Variants in NCKAP5 observed in about 807,000 individuals in gnomAD.
NCKAP5 encodes nck-associated protein 5.
A neutral mutation model predicts 167.0 loss-of-function variants in NCKAP5; 92 were observed. The ratio of observed to expected loss-of-function variants is 0.55; its 90% CI spans 0.47 to 0.66. The LOEUF (loss-of-function observed/expected upper bound fraction) is 0.66, where lower values mean the gene tolerates loss of function less well. Among genes scored for constraint, NCKAP5 ranks in the 30% least tolerant of loss-of-function variants. The probability of loss-of-function intolerance (pLI) is 0.00; values close to 1 mark genes in which losing one functional copy is unlikely to be tolerated. For missense variants in NCKAP5, 2,378 were observed against 2,315.0 expected (o/e 1.03, Z -0.56); for synonymous variants, 891 against 877.4 (o/e 1.02, Z -0.27).
At chr2:133,234,271 A>C (rs2150262890) in intron 4 of NCKAP5, among the ~76,000 whole-genome samples, 1 of 152,274 alleles carries the variant, frequency 6.6e-6, no homozygotes, top group South Asian at 2.1e-4. Flanking sequence ...AGATAAACAA[A>C]AGTACACTGC....
At chr2:132,730,060 A>G (rs948611676) in intron 17 of NCKAP5, among the ~76,000 whole-genome samples, 2 of 152,220 alleles carry the variant, frequency 1.3e-5, no homozygotes, top group African/African-American at 4.8e-5. Flanking sequence ...AGCACTGGAA[A>G]GTAGGCCCTG....
intron 8 of NCKAP5, among the ~76,000 whole-genome samples, chr2:132,955,432 G>A (rs1489127493): frequency 2.0e-5 from 3 of 152,170 alleles, no homozygotes; most frequent in African/African-American, 7.2e-5. Context: ...GCGCAGAAAG[G>A]TTAGATTACA....
At chr2:132,850,946 T>C (rs1395515134) in intron 11 of NCKAP5, among the ~76,000 whole-genome samples, 4 of 152,086 alleles carry the variant, frequency 2.6e-5, no homozygotes, top group African/African-American at 7.2e-5. Flanking sequence ...GTCTGTGACA[T>C]ACAGGGCAAT....
the NCKAP5 span, among the ~76,000 whole-genome samples, chr2:133,627,633 T>A: frequency 7.2e-5 from 11 of 152,094 alleles, no homozygotes; most frequent in Non-Finnish European, 1.3e-4. Context: ...ATTAGCCAAG[T>A]GTGGTGACGT....
chr2:133,216,969 A>G (rs770950221), intron 4 of NCKAP5, among the ~76,000 whole-genome samples: 5 of 152,110 alleles, frequency 3.3e-5, no homozygotes, highest in Non-Finnish European at 5.9e-5. Flanking sequence ...CAACTGGCTC[A>G]TGTTATTTTT....
At chr2:132,857,623 G>C (rs1689573630) in intron 11 of NCKAP5, among the ~76,000 whole-genome samples, 1 of 152,148 alleles carries the variant, frequency 6.6e-6, no homozygotes, top group Non-Finnish European at 1.5e-5. Context: ...TTTGGATTTT[G>C]TTTGCTATCC....
intron 6 of NCKAP5, among the ~76,000 whole-genome samples, chr2:133,072,930 TA>T (rs1220890169): frequency 6.6e-6 from 1 of 151,950 alleles, no homozygotes; most frequent in African/African-American, 2.4e-5. Context: ...AGAAATGGAG[TA>T]AGCACACTCC....
At chr2:132,903,600 C>G (rs1422858460) in intron 8 of NCKAP5, among the ~76,000 whole-genome samples, 2 of 152,126 alleles carry the variant, frequency 1.3e-5, no homozygotes, top group Non-Finnish European at 2.9e-5. Context: ...CTCACAATAT[C>G]CTTGTCAGGT....
intron 8 of NCKAP5, among the ~76,000 whole-genome samples, chr2:132,897,958 A>G (rs563367177): frequency 2.2e-4 from 33 of 152,294 alleles, no homozygotes; most frequent in African/African-American, 5.5e-4. Flanking sequence ...GGCTATCGTA[A>G]TTCCTTAAAA....
At chr2:132,745,514 A>T (rs1393573191) in intron 16 of NCKAP5, among the ~76,000 whole-genome samples, 1 of 151,886 alleles carries the variant, frequency 6.6e-6, no homozygotes, top group Non-Finnish European at 1.5e-5. Flanking sequence ...AAATAGACTG[A>T]ATGTTCCCCC....
In NCKAP5 at chr2:132,755,408, C is replaced by T. The variant is rs181744260; in HGVS notation, c.5128+18408G>A. Among the ~76,000 whole-genome samples the T allele has an allele frequency of 3.6e-3, 546 of 152,290 alleles. 2 individuals are homozygous for T. The highest frequency in any genetic ancestry group is 7.6e-3 in the Admixed American group (116 of 15,300). On this transcript the variant is annotated intron_variant, in intron 16 of 19. Coordinates refer to ENST00000409261, the MANE Select transcript of NCKAP5 (RefSeq NM_207363.3). ...TCATCCATCCTTAAGGCAGTCTATTCGTCAATATGAACCCTGTTACCAACT... is the reference window on the plus strand; with the variant it reads ...TCATCCATCCTTAAGGCAGTCTATTTGTCAATATGAACCCTGTTACCAACT...
rs138320464 is a variant in NCKAP5 at position 132,748,081 on chromosome 2, C to T, written c.5129-16030G>A. 9.8e-5 allele frequency among the ~76,000 whole-genome samples: 15 copies of T among 152,300 alleles called. No homozygotes were observed. In the East Asian group the frequency reaches 1.2e-3, roughly 12 times the overall value. On this transcript the variant is annotated intron_variant, in intron 16 of 19. Coordinates refer to ENST00000409261, the MANE Select transcript of NCKAP5 (RefSeq NM_207363.3). ...CAGGGCTGCCTTAATCCAGGGCCTC[C>T]GCCTCTATTTGCCTGCAGTTCTCTT...
chr2:132,723,826 G>GCTT (rs1004486514), intron 19 of NCKAP5, among the ~76,000 whole-genome samples: 2 of 152,130 alleles, frequency 1.3e-5, no homozygotes, highest in African/African-American at 4.8e-5. Context: ...AGTTGATCCT[G>GCTT]CTTCTTCAGT....
chr2:133,534,595 C>T (rs1685613167), intron 2 of NCKAP5, among the ~76,000 whole-genome samples: 1 of 152,166 alleles, frequency 6.6e-6, no homozygotes. Context: ...GATAAGTAAT[C>T]TTTGTGACTA....
intron 2 of NCKAP5, among the ~76,000 whole-genome samples, chr2:133,549,302 GCAC>G (rs1687057655): frequency 6.6e-6 from 1 of 151,628 alleles, no homozygotes; most frequent in African/African-American, 2.4e-5. Flanking sequence ...TTTTTTTTCA[GCAC>G]CACACCACAC....
the NCKAP5 span, among the ~76,000 whole-genome samples, chr2:133,657,076 T>G: frequency 6.6e-6 from 1 of 152,232 alleles, no homozygotes; most frequent in African/African-American, 2.4e-5. Context: ...TCCAAACTTC[T>G]CAACTGGAGA....
In NCKAP5 at chr2:132,796,717, G is replaced by A. The variant is rs776055565; in HGVS notation, c.820C>T (p.Arg274Cys). ...SDLLLQKLHS[R>C]LLDLSSGDLL... ...TCTCCAGATGAAAGATCCAAGAGAC[G>A]TGAGTGAAGTTTCTAGGTAAAACCA... The change falls in exon 12 of 20, where the codon CGT becomes TGT. Residue 274 changes from arginine (R) to cysteine (C), a missense_variant. Physicochemically the swap from Arg to Cys is radical, Grantham distance 180. Around this residue, in one of 3 missense-constraint regions of NCKAP5, gnomAD observed 1,049 missense variants for 1,023.4 expected, o/e 1.02. Coordinates refer to ENST00000409261, the MANE Select transcript of NCKAP5 (RefSeq NM_207363.3). 2.9e-5 allele frequency: 46 copies of A among 1,610,226 alleles called. 1 individual carries two copies. The highest frequency in any genetic ancestry group is 2.8e-4 in the South Asian group (25 of 90,660).
rs1374791045 is a variant in NCKAP5, at chr2:132,796,707, T to C, written c.830A>G (p.Asp277Gly). Reference sequence around the variant, plus strand: ...TGAAAGCAAATCTCCAGATGAAAGATCCAAGAGACGTGAGTGAAGTTTCTA... The same window carrying C: ...TGAAAGCAAATCTCCAGATGAAAGACCCAAGAGACGTGAGTGAAGTTTCTA... ...LLQKLHSRLL[D>G]LSSGDLLSEV... The change falls in exon 12 of 20, where the codon GAT becomes GGT. Residue 277 changes from aspartate (D) to glycine (G), a missense_variant. Transcript: ENST00000409261. The C allele has an allele frequency of 6.2e-7, 1 of 1,612,938 alleles. No individual in the cohort carries two copies. The highest frequency in any genetic ancestry group is 1.3e-5 in the African/African-American group (1 of 74,874).
chr2:132,806,532 A>AT (rs1489644544), intron 11 of NCKAP5, among the ~76,000 whole-genome samples: 1 of 151,568 alleles, frequency 6.6e-6, no homozygotes, highest in Non-Finnish European at 1.5e-5. Context: ...GATATTGAGC[A>AT]TTTTTTCATA....
Sources: allele counts gnomAD v4.1 joint callset (sites outside exome capture counted in the v4.1 genomes callset), GRCh38; gene constraint gnomAD v4.1.1; regional missense constraint gnomAD v4.1.1; transcripts MANE v1.5; gene names NCBI Gene and HGNC (gene_info 2026-07-23, HGNC 2026-07-21).